Variants in DESI1 observed in about 807,000 individuals in gnomAD.
DESI1 encodes the protein desumoylating isopeptidase 1.
Under a neutral mutation model 22.4 loss-of-function variants are expected in DESI1, and 17 were observed. The observed-to-expected ratio is 0.76, with a 90% CI of 0.52 to 1.14. The LOEUF is 1.14. DESI1 is among the 50% of genes most tolerant of loss of function. DESI1 has a pLI of 0.00. For synonymous variants in DESI1, 92 were observed against 84.2 expected, an observed-to-expected ratio of 1.09 and a Z score of -0.51; for missense variants, 177 against 208.9, an observed-to-expected ratio of 0.85 and a Z score of 0.94.
chr22:41,620,963 A>G lies in DESI1; in HGVS notation c.-124T>C, dbSNP rs568139169. ...GGGGACCGAGCCCGGGCCCGGGCTG[A>G]GGGGTGGGGGAGAGGCCGCCCTGCG... is the stretch of plus-strand genomic sequence containing the variant. On this transcript the variant is annotated 5_prime_UTR_variant, in exon 1 of 6. Coordinates refer to ENST00000263256, the MANE Select transcript of DESI1 (RefSeq NM_015704.3). The G allele has an allele frequency of 4.7e-5, 34 of 722,980 alleles. No homozygotes were observed. In the African/African-American group the frequency reaches 5.4e-4, roughly 11 times the overall value. 44.8% of individuals were successfully genotyped at this position (722,980 alleles called of 1,614,324 possible).
intron 3 of DESI1, among the ~76,000 whole-genome samples, chr22:41,606,917 A>T (rs926701846): frequency 6.6e-5 from 10 of 151,498 alleles, no homozygotes; most frequent in Admixed American, 1.3e-4. Context: ...AGCCCTCATC[A>T]TTCAGCTTAA....
intron 1 of DESI1, 30 bp downstream of exon 1, chr22:41,620,722 C>T (rs1167531820): frequency 6.3e-7 from 1 of 1,584,798 alleles, no homozygotes; most frequent in African/African-American, 1.4e-5. Context: ...GGCTCCCGCC[C>T]TCCTGCCCAC....
At chr22:41,607,187 G>T in intron 3 of DESI1, 75 bp downstream of exon 3, 1 of 1,394,832 alleles carries the variant, frequency 7.2e-7, no homozygotes, top group Non-Finnish European at 9.6e-7. Flanking sequence ...GTCCATAGTA[G>T]AAGCAAAGCT....
intron 3 of DESI1, among the ~76,000 whole-genome samples, chr22:41,606,841 C>T (rs1468650189): frequency 1.4e-5 from 2 of 147,496 alleles, no homozygotes; most frequent in African/African-American, 5.0e-5. Context: ...GTGTGATAAT[C>T]CTGGGTTCTA....
chr22:41,601,427 C>A (rs550141520), intron 5 of DESI1, among the ~76,000 whole-genome samples: 9 of 152,338 alleles, frequency 5.9e-5, no homozygotes, highest in African/African-American at 2.2e-4. Context: ...TCCTGGGGTT[C>A]CCTCCTCAGG....
intron 1 of DESI1, among the ~76,000 whole-genome samples, chr22:41,616,143 T>C (rs1340979590): frequency 6.6e-6 from 1 of 152,164 alleles, no homozygotes. Context: ...CTTGGGAGGC[T>C]GAGGCAGGAG....
intron 3 of DESI1, among the ~76,000 whole-genome samples, chr22:41,604,610 C>T (rs933584495): frequency 6.6e-6 from 1 of 151,970 alleles, no homozygotes; most frequent in Non-Finnish European, 1.5e-5. Context: ...CTATTTGTAT[C>T]AAGGATGCAA....
At chr22:41,609,162 G>A (rs144757888) in intron 1 of DESI1, among the ~76,000 whole-genome samples, 2 of 152,108 alleles carry the variant, frequency 1.3e-5, no homozygotes, top group East Asian at 1.9e-4. Context: ...GGCTGGTCTC[G>A]AACTCCTCGC....
intron 1 of DESI1, among the ~76,000 whole-genome samples, chr22:41,611,190 C>G (rs1317870681): frequency 2.0e-5 from 3 of 152,196 alleles, no homozygotes; most frequent in Non-Finnish European, 4.4e-5. Context: ...AGTGCAGTGG[C>G]ACGATCTTGG....
rs115117535 is a variant in DESI1 at position 41,607,358 on chromosome 22, G to A, written c.111-27C>T. On this transcript the variant is annotated intron_variant, in intron 2 of 5. Coordinates refer to ENST00000263256, the MANE Select transcript of DESI1 (RefSeq NM_015704.3). ...TGTCACACAGAGAGAGACACAGTAA[G>A]CCAGAAAACTTAAACTTTTGAGAAA... 1,655 of 1,587,064 alleles carry A rather than the reference G, an allele frequency of 1.0e-3. 17 individuals are homozygous for A. In the African/African-American group the frequency reaches 0.022, roughly 21 times the overall value.
At chr22:41,619,830 T>C (rs1444229871) in intron 1 of DESI1, among the ~76,000 whole-genome samples, 1 of 152,202 alleles carries the variant, frequency 6.6e-6, no homozygotes. Context: ...CAGGAAAAAC[T>C]AGCCATTCAA....
Position 41,603,240 on chromosome 22 carries a change from G to A in DESI1, c.413+19C>T, listed in dbSNP as rs1199656177. 6.2e-7 allele frequency: 1 copy of A among 1,614,082 alleles called. No individual in the cohort carries two copies. On this transcript the variant is annotated intron_variant, in intron 5 of 5. Coordinates refer to ENST00000263256, the MANE Select transcript of DESI1 (RefSeq NM_015704.3). The stretch of plus-strand genomic sequence containing the variant: ...TCAAGGTTGGCCAAGGCAGGGGCAG[G>A]GACAGAGGCCACACTTACGTGGAGA...
intron 5 of DESI1, chr22:41,602,655 G>A (rs557434196): frequency 1.0e-6 from 1 of 987,072 alleles, no homozygotes. Context: ...AGATGGCTTT[G>A]GGGGTGTTGT....
intron 1 of DESI1, among the ~76,000 whole-genome samples, chr22:41,619,253 A>T (rs1001881311): frequency 6.6e-6 from 1 of 152,218 alleles, no homozygotes; most frequent in African/African-American, 2.4e-5. Flanking sequence ...GCTCATTAAA[A>T]ATACAGATTT....
chr22:41,602,875 GC>G (rs1428805121), intron 5 of DESI1: 24 of 940,786 alleles, frequency 2.6e-5, no homozygotes, highest in Non-Finnish European at 2.9e-5. Flanking sequence ...TACAAAACAA[GC>G]CCCCCTACTA....
chr22:41,605,692 C>CA (rs1411663451), intron 3 of DESI1, among the ~76,000 whole-genome samples: 1 of 152,028 alleles, frequency 6.6e-6, no homozygotes, highest in East Asian at 1.9e-4. Context: ...GTGGTGTGGA[C>CA]AAAATAGATG....
chr22:41,616,312 A>G (rs2067550180), intron 1 of DESI1, among the ~76,000 whole-genome samples: 2 of 152,228 alleles, frequency 1.3e-5, no homozygotes, highest in African/African-American at 4.8e-5. Context: ...TTTGTACTAC[A>G]AAATGAAGTA....
intron 1 of DESI1, among the ~76,000 whole-genome samples, chr22:41,613,545 G>A (rs959609661): frequency 6.6e-6 from 1 of 152,172 alleles, no homozygotes; most frequent in Non-Finnish European, 1.5e-5. Flanking sequence ...CCTAGCAAAG[G>A]ACCTGGTCCT....
intron 3 of DESI1, 185 bp from the exon 4 acceptor site, chr22:41,604,338 C>CG (rs2067467055): frequency 4.3e-6 from 2 of 464,072 alleles, no homozygotes; most frequent in Non-Finnish European, 7.5e-6. Flanking sequence ...CTCCGCCTCC[C>CG]GGGTTCAAGT....
Sources: allele counts gnomAD v4.1 joint callset (sites outside exome capture counted in the v4.1 genomes callset), GRCh38; gene constraint gnomAD v4.1.1; transcripts MANE v1.5; gene names NCBI Gene and HGNC (gene_info 2026-07-23, HGNC 2026-07-21).